DLGAP1: variants seen among roughly 807,000 people sequenced by gnomAD.
The protein encoded by DLGAP1 is disks large-associated protein 1.
DLGAP1 carries 11 observed loss-of-function variants against 90.8 expected under a neutral mutation model. That is an observed-to-expected ratio of 0.12 (90% CI 0.08 to 0.20). The LOEUF is 0.20. Ranked by LOEUF, DLGAP1 falls within the 10% of genes least tolerant of loss-of-function variation. DLGAP1 has a pLI of 1.00. For synonymous variants in DLGAP1, 558 were observed against 540.7 expected, an observed-to-expected ratio of 1.03 and a Z score of -0.44; for missense variants, 1,050 against 1,333.8, an observed-to-expected ratio of 0.79 and a Z score of 3.31.
chr18:4,397,182 A>G (rs577418272), intron 1 of DLGAP1, among the ~76,000 whole-genome samples: 3 of 152,338 alleles, frequency 2.0e-5, no homozygotes, highest in South Asian at 2.1e-4. Context: ...AGTCCTTTGC[A>G]TAATACCTAG....
At chr18:3,839,227 C>G (rs934674318) in intron 4 of DLGAP1, among the ~76,000 whole-genome samples, 5 of 152,176 alleles carry the variant, frequency 3.3e-5, no homozygotes, top group African/African-American at 1.2e-4. Flanking sequence ...TCCACTCATT[C>G]ACATTTATCG....
At chr18:3,568,105 G>A (rs1288363565) in intron 8 of DLGAP1, among the ~76,000 whole-genome samples, 3 of 152,046 alleles carry the variant, frequency 2.0e-5, no homozygotes. Flanking sequence ...TGCCAAGTTG[G>A]CCAGTCTGGT....
At chr18:4,303,276 T>A (rs2080170678) in intron 1 of DLGAP1, among the ~76,000 whole-genome samples, 1 of 152,188 alleles carries the variant, frequency 6.6e-6, no homozygotes, top group South Asian at 2.1e-4. Flanking sequence ...TATTCTATTT[T>A]TTTTTTCATT....
intron 1 of DLGAP1, among the ~76,000 whole-genome samples, chr18:4,331,728 G>A (rs1423517470): frequency 6.6e-6 from 1 of 151,702 alleles, no homozygotes; most frequent in African/African-American, 2.4e-5. Flanking sequence ...TGGTCTTTCG[G>A]CTTCTTGATT....
intron 3 of DLGAP1, among the ~76,000 whole-genome samples, chr18:3,914,444 C>G (rs1391732736): frequency 6.6e-6 from 1 of 152,170 alleles, no homozygotes; most frequent in Non-Finnish European, 1.5e-5. Context: ...TTTTCTTTAT[C>G]CATTCATTGT....
chr18:4,015,792 A>G (rs936167177), intron 2 of DLGAP1, among the ~76,000 whole-genome samples: 5 of 152,232 alleles, frequency 3.3e-5, no homozygotes, highest in African/African-American at 9.6e-5. Context: ...AATGTCAACA[A>G]TTGCATAGCA....
chr18:3,898,070 A>G (rs573511200), intron 3 of DLGAP1, among the ~76,000 whole-genome samples: 35 of 152,312 alleles, frequency 2.3e-4, no homozygotes, highest in Middle Eastern at 3.4e-3. Context: ...CTGGGATTAC[A>G]GGCGTGAGCC....
chr18:3,661,783 T>C (rs1482057195), intron 7 of DLGAP1, among the ~76,000 whole-genome samples: 2 of 151,866 alleles, frequency 1.3e-5, no homozygotes, highest in Admixed American at 1.3e-4. Flanking sequence ...GGTTTCACCA[T>C]GTTGCTCAGG....
At chr18:4,233,407 G>T (rs1167477418) in intron 1 of DLGAP1, among the ~76,000 whole-genome samples, 1 of 152,134 alleles carries the variant, frequency 6.6e-6, no homozygotes, top group Non-Finnish European at 1.5e-5. Flanking sequence ...GTTTGAGATT[G>T]TCTGATATTT....
At chr18:3,586,406 T>A (rs1451442054) in intron 7 of DLGAP1, among the ~76,000 whole-genome samples, 1 of 152,062 alleles carries the variant, frequency 6.6e-6, no homozygotes, top group African/African-American at 2.4e-5. Context: ...GGGACTTTAC[T>A]CGTTATTATG....
chr18:3,765,117 C>CTTTTTTTTTTTTTTTTTTTTT (rs921982904), intron 5 of DLGAP1, among the ~76,000 whole-genome samples: 1 of 126,412 alleles, frequency 7.9e-6, no homozygotes, highest in Admixed American at 8.5e-5. Context: ...CACTTGCAAA[C>CTTTTTTTTTTTTTTTTTTTTT]TTTTTTTTTT....
intron 4 of DLGAP1, among the ~76,000 whole-genome samples, chr18:3,842,527 T>A (rs1047949353): frequency 1.3e-5 from 2 of 151,712 alleles, no homozygotes; most frequent in East Asian, 3.9e-4. Context: ...TGATGGAGGT[T>A]TAACTGGGAT....
chr18:3,964,713 C>G (rs1337822383), intron 3 of DLGAP1, among the ~76,000 whole-genome samples: 1 of 152,134 alleles, frequency 6.6e-6, no homozygotes, highest in African/African-American at 2.4e-5. Flanking sequence ...TACATGGTAG[C>G]CACTTAGTGT....
Position 4,037,892 on chromosome 18 carries a change from G to C in DLGAP1, c.-158-32691C>G, listed in dbSNP as rs1975437. ...GGAGAATCACTTGAACCCAGGAAGC[G>C]GAAGTTGCAGTGAGCTGAGATCACG... On this transcript the variant is annotated intron_variant, in intron 2 of 12. Coordinates refer to ENST00000315677, the MANE Select transcript of DLGAP1 (RefSeq NM_004746.4). Among the ~76,000 whole-genome samples, 141 of 152,282 alleles carry C rather than the reference G, an allele frequency of 9.3e-4. 1 individual carries two copies. Among genetic ancestry groups the C allele is most frequent in the African/African-American group, 3.3e-3 (139 of 41,560 alleles).
intron 2 of DLGAP1, among the ~76,000 whole-genome samples, chr18:4,034,608 C>T (rs1326603080): frequency 6.6e-6 from 1 of 152,110 alleles, no homozygotes; most frequent in African/African-American, 2.4e-5. Context: ...ATGCTTCCTA[C>T]TTCCAACACC....
chr18:4,107,299 C>T (rs959705880), intron 2 of DLGAP1, among the ~76,000 whole-genome samples: 5 of 152,308 alleles, frequency 3.3e-5, no homozygotes, highest in African/African-American at 1.2e-4. Context: ...TAAATGGAAT[C>T]ACACAGTGAA....
intron 7 of DLGAP1, among the ~76,000 whole-genome samples, chr18:3,625,233 G>C (rs1359493225): frequency 6.6e-6 from 1 of 152,180 alleles, no homozygotes; most frequent in Non-Finnish European, 1.5e-5. Flanking sequence ...GTTTTATCAG[G>C]TATGGATACA....
At chr18:4,014,430 G>A (rs894944544) in intron 2 of DLGAP1, among the ~76,000 whole-genome samples, 28 of 152,236 alleles carry the variant, frequency 1.8e-4, no homozygotes, top group African/African-American at 6.5e-4. Flanking sequence ...AGAGATGTTG[G>A]TCAAGGGGTA....
chr18:4,104,072 T>A (rs916054425), intron 2 of DLGAP1, among the ~76,000 whole-genome samples: 1 of 152,146 alleles, frequency 6.6e-6, no homozygotes, highest in South Asian at 2.1e-4. Context: ...CTAATTCCAG[T>A]CTAATTTCTA....
Sources: gnomAD v4.1 joint callset for allele counts (sites outside exome capture counted in the v4.1 genomes callset) on GRCh38, gnomAD v4.1.1 for gene constraint, MANE v1.5 for transcripts, NCBI Gene and HGNC (gene_info 2026-07-23, HGNC 2026-07-21) for gene names.